The following TANC2 variants were observed in gnomAD, a reference collection of about 807,000 sequenced individuals.
TANC2 encodes the protein tetratricopeptide repeat, ankyrin repeat and coiled-coil containing 2, also known as protein TANC2.
In TANC2, 26 loss-of-function variants were observed where a neutral mutation model predicts 210.5. The ratio of observed to expected loss-of-function variants is 0.12; its 90% CI spans 0.09 to 0.17. The LOEUF is 0.17. Among genes scored for constraint, TANC2 ranks in the 10% least tolerant of loss-of-function variants. The pLI, the probability that TANC2 is intolerant of heterozygous loss-of-function variation, is 1.00. For synonymous variants in TANC2, 931 were observed against 967.1 expected (o/e 0.96, Z 0.69); for missense variants, 2,129 against 2,608.9 (o/e 0.82, Z 4.01).
intron 2 of TANC2, among the ~76,000 whole-genome samples, chr17:63,012,970 G>A (rs545563538): frequency 1.6e-4 from 25 of 152,072 alleles, no homozygotes; most frequent in African/African-American, 5.8e-4. Context: ...GACTCTTTTA[G>A]AATTTACTTT....
intron 5 of TANC2, among the ~76,000 whole-genome samples, chr17:63,162,460 A>C (rs1324104410): frequency 1.3e-5 from 2 of 152,232 alleles, no homozygotes; most frequent in East Asian, 3.8e-4. Context: ...AGGATTTTCT[A>C]AACTAGAATA....
intron 5 of TANC2, among the ~76,000 whole-genome samples, chr17:63,158,829 A>G (rs907457926): frequency 1.3e-5 from 2 of 152,208 alleles, no homozygotes; most frequent in African/African-American, 4.8e-5. Flanking sequence ...GTTGCAATCA[A>G]GGTGACAGCT....
At chr17:63,060,620 CA>C (rs57751440) in intron 2 of TANC2, among the ~76,000 whole-genome samples, 80,566 of 149,762 alleles carry the variant, frequency 0.54, 22,931 homozygotes, top group African/African-American at 0.73. Flanking sequence ...AACTCTGTCT[CA>C]AAAAAAAAAC....
intron 12 of TANC2, among the ~76,000 whole-genome samples, chr17:63,347,591 G>A (rs1451579485): frequency 6.6e-6 from 1 of 152,090 alleles, no homozygotes; most frequent in Non-Finnish European, 1.5e-5. Context: ...TTCAAATTAT[G>A]TATTTTCTTT....
At chr17:63,135,752 TAGA>T (rs2039068980) in intron 4 of TANC2, among the ~76,000 whole-genome samples, 3 of 152,268 alleles carry the variant, frequency 2.0e-5, no homozygotes, top group South Asian at 4.1e-4. Flanking sequence ...GACAAACAGT[TAGA>T]ATTGCTCGTG....
chr17:63,413,403 A>T, intron 24 of TANC2, 140 bp from the exon 25 acceptor site: 1 of 574,156 alleles, frequency 1.7e-6, no homozygotes, highest in Non-Finnish European at 3.1e-6. Context: ...AAATACTCCC[A>T]GGTCTAAAAG....
intron 2 of TANC2, among the ~76,000 whole-genome samples, chr17:63,015,135 G>A (rs79703407): frequency 0.03 from 4,485 of 151,594 alleles, 80 homozygotes; most frequent in South Asian, 0.037. Flanking sequence ...TTTTCTCATA[G>A]GTATATAATT....
chr17:63,032,600 G>T (rs2034817404), intron 2 of TANC2, among the ~76,000 whole-genome samples: 1 of 151,832 alleles, frequency 6.6e-6, no homozygotes, highest in Non-Finnish European at 1.5e-5. Flanking sequence ...TTGGGTGTAG[G>T]TCAAATGAAG....
At chr17:63,145,026 T>C (rs1322647714) in intron 4 of TANC2, among the ~76,000 whole-genome samples, 1 of 150,950 alleles carries the variant, frequency 6.6e-6, no homozygotes. Flanking sequence ...CTTCTCTCTG[T>C]TTTTTTTTGT....
At chr17:63,101,077 C>G (rs1319137612) in intron 4 of TANC2, among the ~76,000 whole-genome samples, 1 of 152,136 alleles carries the variant, frequency 6.6e-6, no homozygotes, top group Admixed American at 6.5e-5. Flanking sequence ...GGTCAATTTT[C>G]TGCCAAGTGA....
At chr17:63,015,721 A>T (rs1473067625) in intron 2 of TANC2, among the ~76,000 whole-genome samples, 1 of 131,874 alleles carries the variant, frequency 7.6e-6, no homozygotes, top group East Asian at 2.2e-4. Context: ...TGATGCTTGT[A>T]GCAAGTACTG....
At chr17:63,394,894 A>C (rs866349003) in intron 17 of TANC2, among the ~76,000 whole-genome samples, 2 of 152,342 alleles carry the variant, frequency 1.3e-5, no homozygotes, top group East Asian at 3.9e-4. Flanking sequence ...TATTCACCTA[A>C]GTGGTACTTT....
At chr17:62,998,632 C>T (rs1353839449) in intron 1 of TANC2, among the ~76,000 whole-genome samples, 2 of 152,212 alleles carry the variant, frequency 1.3e-5, no homozygotes, top group East Asian at 1.9e-4. Context: ...TCTAACCAAA[C>T]ATTTCCTATG....
chr17:63,161,328 C>T (rs2040018082), intron 5 of TANC2, among the ~76,000 whole-genome samples: 1 of 152,086 alleles, frequency 6.6e-6, no homozygotes, highest in Admixed American at 6.6e-5. Flanking sequence ...AGCCACTGCA[C>T]TCCAGCCTGG....
intron 1 of TANC2, among the ~76,000 whole-genome samples, chr17:63,002,330 A>G (rs1284768494): frequency 6.6e-6 from 1 of 152,212 alleles, no homozygotes; most frequent in Non-Finnish European, 1.5e-5. Flanking sequence ...TTAACAGCTC[A>G]GTTATTTACA....
chr17:63,354,788 T>G, exon 14 of TANC2: 1 of 1,559,968 alleles, frequency 6.4e-7, no homozygotes, highest in Non-Finnish European at 8.6e-7. Flanking sequence ...TTTAGGAAAT[T>G]ACCAAGCTGC....
Position 63,412,696 on chromosome 17 carries a change from G to T in TANC2, c.3915G>T (p.Pro1305=). ...TCTTTGAAGGTTGTCAGACGTTACC[G>T]AGTCGCCCACGAGGTATATTTCACC... is the stretch of plus-strand genomic sequence containing the variant. The change falls in exon 24 of 28, where the codon CCG becomes CCT. Residue 1305 remains proline (P), a synonymous_variant. Coordinates refer to ENST00000689528, the Ensembl canonical transcript of TANC2. This position sits in a 1 kb window ranked among gnomAD's most constrained non-coding sequence, Gnocchi z 4.2. The T allele has an allele frequency of 6.5e-7, 1 of 1,533,152 alleles. No individual in the cohort carries two copies. Among genetic ancestry groups the T allele is most frequent in the Non-Finnish European group, 8.7e-7 (1 of 1,146,574 alleles). 95.0% of individuals were successfully genotyped at this position (1,533,152 alleles called of 1,614,324 possible).
At chr17:63,227,234 T>C (rs1396707663) in intron 7 of TANC2, among the ~76,000 whole-genome samples, 2 of 152,210 alleles carry the variant, frequency 1.3e-5, no homozygotes, top group African/African-American at 4.8e-5. Flanking sequence ...GTAAAAGTAT[T>C]CCTGTTTCTG....
chr17:63,230,998 G>A (rs988850528), intron 7 of TANC2, among the ~76,000 whole-genome samples: 2 of 152,150 alleles, frequency 1.3e-5, no homozygotes, highest in East Asian at 1.9e-4. Flanking sequence ...CTGTTGAATT[G>A]TCCCCTTTAC....
Sources: allele counts gnomAD v4.1 joint callset (sites outside exome capture counted in the v4.1 genomes callset), GRCh38; gene constraint gnomAD v4.1.1; non-coding constraint Gnocchi (gnomAD v3.1); transcripts MANE v1.5; gene names NCBI Gene and HGNC (gene_info 2026-07-23, HGNC 2026-07-21).